ADGRV1: variants seen among roughly 807,000 people sequenced by gnomAD.
ADGRV1 encodes the protein adhesion G protein-coupled receptor V1.
ADGRV1 carries 359 observed loss-of-function variants against 596.2 expected under a neutral mutation model. The observed-to-expected ratio is 0.60, with a 90% CI of 0.55 to 0.66. The LOEUF (loss-of-function observed/expected upper bound fraction) is 0.66. Among genes scored for constraint, ADGRV1 ranks in the 30% least tolerant of loss-of-function variants. ADGRV1 has a pLI of 0.00. For synonymous variants in ADGRV1, 2,681 were observed against 2,679.2 expected (o/e 1.00, Z -0.02); for missense variants, 7,274 against 7,575.6 (o/e 0.96, Z 1.48).
intron 54 of ADGRV1, among the ~76,000 whole-genome samples, chr5:90,754,183 G>C (rs779445196): frequency 1.3e-5 from 2 of 152,052 alleles, no homozygotes; most frequent in Non-Finnish European, 2.9e-5. Context: ...TAGTTACAGA[G>C]AACAATGAGC....
At chr5:90,801,110 A>G (rs1194033375) in intron 70 of ADGRV1, among the ~76,000 whole-genome samples, 2 of 152,168 alleles carry the variant, frequency 1.3e-5, no homozygotes, top group African/African-American at 4.8e-5. Flanking sequence ...AGTATAGAAA[A>G]TGGTATTGGT....
rs534415278 is a variant in ADGRV1, at chr5:91,114,257, T to C, written c.18432+11917T>C. Among the ~76,000 whole-genome samples, 384 of 151,506 alleles carry C rather than the reference T, an allele frequency of 2.5e-3. 1 individual carries two copies. The highest frequency in any genetic ancestry group is 8.9e-3 in the African/African-American group (366 of 41,206). On this transcript the variant is annotated intron_variant, in intron 87 of 89. Coordinates refer to ENST00000405460, the MANE Select transcript of ADGRV1 (RefSeq NM_032119.4). ...CACACAGAAAGATGGCTGGGTGCAG[T>C]GGGTCAAGCCTGTAATCCCAGCACT...
At chr5:90,696,895 G>A in intron 33 of ADGRV1, 42 bp from the exon 34 acceptor site, 1 of 1,476,472 alleles carries the variant, frequency 6.8e-7, no homozygotes, top group Non-Finnish European at 9.4e-7. Context: ...CTGTGTTGGT[G>A]ATTTTGTTAC....
intron 86 of ADGRV1, among the ~76,000 whole-genome samples, chr5:91,090,618 T>G (rs1371711076): frequency 1.3e-5 from 2 of 151,830 alleles, no homozygotes; most frequent in Admixed American, 6.6e-5. Context: ...TTCACTTCTC[T>G]GCCTGCAGAT....
chr5:90,934,849 G>A (rs763258196), intron 83 of ADGRV1, among the ~76,000 whole-genome samples: 19 of 152,164 alleles, frequency 1.2e-4, no homozygotes, highest in Non-Finnish European at 1.3e-4. Context: ...CTCACTGTGT[G>A]CTCACATGAC....
At chr5:91,046,744 A>T (rs1785850994) in intron 85 of ADGRV1, among the ~76,000 whole-genome samples, 1 of 152,230 alleles carries the variant, frequency 6.6e-6, no homozygotes, top group Non-Finnish European at 1.5e-5. Context: ...ACAGAGTGGG[A>T]GAAAATCTTC....
intron 9 of ADGRV1, among the ~76,000 whole-genome samples, chr5:90,631,164 C>T (rs1309725569): frequency 1.3e-5 from 2 of 152,088 alleles, no homozygotes; most frequent in African/African-American, 2.4e-5. Context: ...TGTTAAGCTT[C>T]TAGAGTTGCA....
intron 85 of ADGRV1, among the ~76,000 whole-genome samples, chr5:91,061,823 A>G (rs1787456311): frequency 6.6e-6 from 1 of 152,254 alleles, no homozygotes; most frequent in African/African-American, 2.4e-5. Flanking sequence ...GGTAGACATG[A>G]TAGTGATCCT....
intron 1 of ADGRV1, among the ~76,000 whole-genome samples, chr5:90,580,601 A>G (rs1443119630): frequency 6.6e-6 from 1 of 152,172 alleles, no homozygotes; most frequent in African/African-American, 2.4e-5. Context: ...AATGTTGAAT[A>G]TTGGCTCCCA....
chr5:90,718,844 A>G (rs1014967322), intron 43 of ADGRV1, among the ~76,000 whole-genome samples: 2 of 151,666 alleles, frequency 1.3e-5, no homozygotes, highest in Non-Finnish European at 2.9e-5. Flanking sequence ...CAGTATAGCT[A>G]TATACTTTTC....
chr5:91,129,812 G>A (rs1166971457), intron 87 of ADGRV1, among the ~76,000 whole-genome samples: 1 of 152,142 alleles, frequency 6.6e-6, no homozygotes, highest in Non-Finnish European at 1.5e-5. Context: ...AGAGGAAATT[G>A]GAACCCTGAG....
intron 86 of ADGRV1, among the ~76,000 whole-genome samples, chr5:91,075,578 A>G (rs549108686): frequency 5.3e-5 from 8 of 152,268 alleles, no homozygotes; most frequent in African/African-American, 1.9e-4. Flanking sequence ...GCATTGCCCT[A>G]TTGTTGTGTT....
At chr5:90,835,957 G>A (rs990842959) in intron 77 of ADGRV1, among the ~76,000 whole-genome samples, 1 of 152,288 alleles carries the variant, frequency 6.6e-6, no homozygotes, top group African/African-American at 2.4e-5. Context: ...TCACCAGAAA[G>A]GATGTACAGA....
chr5:90,716,622 A>C lies in ADGRV1; in HGVS notation c.9340A>C (p.Thr3114Pro). 6.2e-7 allele frequency: 1 copy of C among 1,613,846 alleles called. No homozygotes were observed. ...GGAACCTGCACAAGGATTGTTTGGAACAGTGACAGTTCAGTTCATTGTGAC... is the reference window on the plus strand; with the variant it reads ...GGAACCTGCACAAGGATTGTTTGGACCAGTGACAGTTCAGTTCATTGTGAC... Reference protein sequence around the residue: ...VREPAQGLFGTVTVQFIVTEV... With the variant: ...VREPAQGLFGPVTVQFIVTEV... The change falls in exon 43 of 90, where the codon ACA becomes CCA. Residue 3114 changes from threonine to proline, a missense_variant. Around this residue, in one of 5 missense-constraint regions of ADGRV1, gnomAD observed 3,643 missense variants for 3,809.2 expected, o/e 0.96. Transcript: ENST00000405460.
chr5:90,943,749 T>C (rs1222422047), intron 83 of ADGRV1, among the ~76,000 whole-genome samples: 1 of 152,120 alleles, frequency 6.6e-6, no homozygotes, highest in Non-Finnish European at 1.5e-5. Context: ...AGCTGCAACA[T>C]TCCTACCCCT....
chr5:90,851,540 C>T lies in ADGRV1; in HGVS notation c.17205-1744C>T, dbSNP rs76352941. Among the ~76,000 whole-genome samples, 94 of 152,166 alleles carry T rather than the reference C, an allele frequency of 6.2e-4. No individual in the cohort carries two copies. In the East Asian group the frequency reaches 9.1e-3, roughly 15 times the overall value. On this transcript the variant is annotated intron_variant, in intron 79 of 89. Coordinates refer to ENST00000405460, the MANE Select transcript of ADGRV1 (RefSeq NM_032119.4). ...TGAGCAAGGATATTGAGGAGAATGA[C>T]GGAATCTAGAACAATCACTTGGAAG... is the stretch of plus-strand genomic sequence containing the variant.
intron 48 of ADGRV1, among the ~76,000 whole-genome samples, chr5:90,726,740 G>C (rs934750735): frequency 6.6e-6 from 1 of 151,484 alleles, no homozygotes; most frequent in African/African-American, 2.4e-5. Flanking sequence ...TAGATGTCTT[G>C]GAGTTTTCCA....
chr5:90,765,495 T>A (rs1004867885), intron 59 of ADGRV1, among the ~76,000 whole-genome samples: 3 of 148,254 alleles, frequency 2.0e-5, no homozygotes. Flanking sequence ...TGAAATCAAA[T>A]TTTTTTTGAA....
At chr5:91,125,536 T>C (rs1395008225) in intron 87 of ADGRV1, among the ~76,000 whole-genome samples, 1 of 152,162 alleles carries the variant, frequency 6.6e-6, no homozygotes. Flanking sequence ...AGCATAGAGT[T>C]AGACTTGGAA....
Sources: allele counts gnomAD v4.1 joint callset (sites outside exome capture counted in the v4.1 genomes callset), GRCh38; gene constraint gnomAD v4.1.1; regional missense constraint gnomAD v4.1.1; transcripts MANE v1.5; gene names NCBI Gene and HGNC (gene_info 2026-07-23, HGNC 2026-07-21).